The following CHCHD4 variants were observed in gnomAD, a reference collection of about 807,000 sequenced individuals.
CHCHD4 encodes the protein mitochondrial intermembrane space import and assembly protein 40.
CHCHD4 carries 7 observed loss-of-function variants against 12.4 expected under a neutral mutation model. The observed-to-expected ratio is 0.57, with a 90% CI of 0.32 to 1.06. CHCHD4 has a LOEUF of 1.06. CHCHD4 is among the 50% of genes least tolerant of loss of function. The pLI, the probability that CHCHD4 is intolerant of heterozygous loss-of-function variation, is 0.04. For synonymous variants in CHCHD4, 56 were observed against 58.0 expected (o/e 0.97, Z 0.16); for missense variants, 143 against 175.1 (o/e 0.82, Z 1.03).
intron 2 of CHCHD4, among the ~76,000 whole-genome samples, chr3:14,114,176 T>C (rs774682066): frequency 2.0e-5 from 3 of 152,148 alleles, no homozygotes; most frequent in Non-Finnish European, 4.4e-5. Context: ...CCGCCTGCCT[T>C]CAATTCCAGC....
At chr3:14,124,169 C>G (rs1694973953) in intron 1 of CHCHD4, among the ~76,000 whole-genome samples, 1 of 152,220 alleles carries the variant, frequency 6.6e-6, no homozygotes, top group Admixed American at 6.5e-5. Flanking sequence ...TAGCAGGGGG[C>G]TCAAAAACAT....
intron 1 of CHCHD4, among the ~76,000 whole-genome samples, chr3:14,122,845 G>A (rs1429358472): frequency 6.6e-6 from 1 of 152,180 alleles, no homozygotes; most frequent in Admixed American, 6.5e-5. Flanking sequence ...AAAGGATGAG[G>A]AGTCAGCCAC....
chr3:14,120,838 C>T (rs1406513984), intron 1 of CHCHD4, among the ~76,000 whole-genome samples: 2 of 152,202 alleles, frequency 1.3e-5, no homozygotes, highest in African/African-American at 4.8e-5. Context: ...GGTGGCTTTT[C>T]AGTCAACAGG....
intron 1 of CHCHD4, among the ~76,000 whole-genome samples, chr3:14,118,610 C>T (rs1213863181): frequency 6.6e-6 from 1 of 152,210 alleles, no homozygotes; most frequent in Non-Finnish European, 1.5e-5. Flanking sequence ...GACCCCCAAC[C>T]CACTGGAGGC....
rs532394505 is a variant in CHCHD4 at position 14,120,842 on chromosome 3, C to T, written c.22+3813G>A. Among the ~76,000 whole-genome samples, 29 of 152,276 alleles carry T rather than the reference C, an allele frequency of 1.9e-4. No individual in the cohort carries two copies. In the South Asian group the frequency reaches 5.2e-3, roughly 27 times the overall value. On this transcript the variant is annotated intron_variant, in intron 1 of 2. Transcript: ENST00000396914. ...GAAACACGAAGGGTGGCTTTTCAGT[C>T]AACAGGGACAGGTTTATTTTAAACA...
intron 1 of CHCHD4, chr3:14,122,176 G>T (rs1694942743): frequency 1.1e-5 from 16 of 1,468,656 alleles, no homozygotes; most frequent in Non-Finnish European, 1.4e-5. Flanking sequence ...CATTTAAAAG[G>T]ATGTCTGAAG....
At chr3:14,122,127 A>G in intron 1 of CHCHD4, 1 of 1,527,798 alleles carries the variant, frequency 6.5e-7, no homozygotes, top group South Asian at 1.2e-5. Context: ...GTTCGCTCAC[A>G]CGTGTTTAGG....
intron 1 of CHCHD4, chr3:14,121,828 C>G: frequency 6.2e-7 from 1 of 1,605,312 alleles, no homozygotes; most frequent in African/African-American, 1.3e-5. Context: ...CTCCCCCATA[C>G]AGAATCAAGT....
At chr3:14,122,706 C>T (rs867750827) in intron 1 of CHCHD4, among the ~76,000 whole-genome samples, 1 of 152,204 alleles carries the variant, frequency 6.6e-6, no homozygotes, top group African/African-American at 2.4e-5. Flanking sequence ...CACAGCCCAT[C>T]TGATGCTCTC....
At chr3:14,122,078 G>C in intron 1 of CHCHD4, 1 of 1,595,758 alleles carries the variant, frequency 6.3e-7, no homozygotes, top group Admixed American at 1.7e-5. Context: ...GAACCATCCT[G>C]GGCAAAGCCT....
intron 1 of CHCHD4, 101 bp from the exon 2 acceptor site, chr3:14,116,625 C>G: frequency 1.2e-6 from 1 of 813,270 alleles, no homozygotes; most frequent in South Asian, 1.4e-5. Context: ...GAAGACTCTC[C>G]CATATGCCAT....
intron 1 of CHCHD4, among the ~76,000 whole-genome samples, chr3:14,120,963 G>C (rs1694927610): frequency 6.6e-6 from 1 of 152,174 alleles, no homozygotes; most frequent in Non-Finnish European, 1.5e-5. Flanking sequence ...CTTATCAGTG[G>C]CTTGGACTGC....
chr3:14,120,918 AGACT>A (rs1426535155), intron 1 of CHCHD4, among the ~76,000 whole-genome samples: 6 of 152,190 alleles, frequency 3.9e-5, no homozygotes, highest in African/African-American at 9.7e-5. Flanking sequence ...ACTCTCTTAC[AGACT>A]AAGAGTTTTT....
intron 1 of CHCHD4, among the ~76,000 whole-genome samples, chr3:14,117,266 G>A (rs570160978): frequency 2.0e-5 from 3 of 152,338 alleles, no homozygotes; most frequent in South Asian, 2.1e-4. Context: ...CTGCCGGAAG[G>A]TCTGAGGGCT....
intron 1 of CHCHD4, among the ~76,000 whole-genome samples, chr3:14,123,501 A>C (rs557420123): frequency 6.8e-4 from 104 of 152,298 alleles, no homozygotes; most frequent in Non-Finnish European, 1.1e-3. Flanking sequence ...GCCACCAGGG[A>C]AAAGGCTCAG....
At chr3:14,116,600 A>G in intron 1 of CHCHD4, 76 bp from the exon 2 acceptor site, 1 of 1,061,446 alleles carries the variant, frequency 9.4e-7, no homozygotes, top group Non-Finnish European at 1.5e-6. Flanking sequence ...AGCAGCCGCC[A>G]CACAAACCAA....
chr3:14,113,470 G>GA (rs1694842995), intron 2 of CHCHD4, among the ~76,000 whole-genome samples: 10 of 152,272 alleles, frequency 6.6e-5, no homozygotes, highest in Admixed American at 2.6e-4. Flanking sequence ...ATTAAATACC[G>GA]GGACCCATTT....
rs367905977 is a variant in CHCHD4, at chr3:14,120,591, C to T, written c.22+4064G>A. Among the ~76,000 whole-genome samples, 15 of 152,296 alleles carry T rather than the reference C, an allele frequency of 9.8e-5. No homozygotes were observed. In the East Asian group the frequency reaches 2.9e-3, roughly 29 times the overall value. Reference sequence around the variant, plus strand: ...TCCCGCTTTATCTTTCTCCAAAGTGCTTTTCGTCACCCAACATACTATGTA... The same window carrying T: ...TCCCGCTTTATCTTTCTCCAAAGTGTTTTTCGTCACCCAACATACTATGTA... On this transcript the variant is annotated intron_variant, in intron 1 of 2. Coordinates refer to ENST00000396914, the MANE Select transcript of CHCHD4 (RefSeq NM_001098502.2).
At chr3:14,115,765 T>C (rs1694870307) in intron 2 of CHCHD4, among the ~76,000 whole-genome samples, 1 of 152,224 alleles carries the variant, frequency 6.6e-6, no homozygotes, top group Non-Finnish European at 1.5e-5. Flanking sequence ...GAAGTGGTTT[T>C]TGATTGGTGA....
Sources: allele counts gnomAD v4.1 joint callset (sites outside exome capture counted in the v4.1 genomes callset), GRCh38; gene constraint gnomAD v4.1.1; transcripts MANE v1.5; gene names NCBI Gene and HGNC (gene_info 2026-07-23, HGNC 2026-07-21).